Variants in ARHGEF4 observed in about 807,000 individuals in gnomAD.
ARHGEF4 encodes the protein Rho guanine nucleotide exchange factor 4.
ARHGEF4 carries 119 observed loss-of-function variants against 162.0 expected under a neutral mutation model. The ratio of observed to expected loss-of-function variants is 0.73; its 90% CI spans 0.63 to 0.86. The LOEUF is 0.86. ARHGEF4 is among the 40% of genes least tolerant of loss of function. The pLI is 0.00. For missense variants in ARHGEF4, 2,488 were observed against 2,456.0 expected, an observed-to-expected ratio of 1.01 and a Z score of -0.28; for synonymous variants, 1,014 against 979.9, an observed-to-expected ratio of 1.03 and a Z score of -0.65.
chr2:130,841,459 A>G (rs1680608608), intron 1 of ARHGEF4, among the ~76,000 whole-genome samples: 1 of 150,830 alleles, frequency 6.6e-6, no homozygotes, highest in South Asian at 2.1e-4. Flanking sequence ...CAGTCCTAGC[A>G]GTGCCATGGG....
Position 131,045,439 on chromosome 2 carries a change from G to T in ARHGEF4, c.5472G>T (p.Lys1824Asn), listed in dbSNP as rs1354639967. 6.2e-7 allele frequency: 1 copy of T among 1,613,640 alleles called. No individual in the cohort carries two copies. The highest frequency in any genetic ancestry group is 2.2e-5 in the East Asian group (1 of 44,886). ...CCAGCAAGCAGCAGGTCACAGGGAA[G>T]CCCAAAGGTAGGCGGACAGCAGCCC... is the stretch of plus-strand genomic sequence containing the variant. The part of the protein sequence containing the change: ...LNASKQQVTG[K>N]PKAVGRPCYL... Residue 1824 changes from lysine to asparagine, a missense_variant, in exon 13 of 14, where the codon AAG becomes AAT. Coordinates refer to ENST00000409359, the MANE Select transcript of ARHGEF4 (RefSeq NM_001367493.1).
chr2:130,922,942 T>TATATA lies in ARHGEF4; in HGVS notation c.3552+5444_3552+5445insATATA, dbSNP rs1327587983. Among the ~76,000 whole-genome samples, 11 of 80,232 alleles carry TATATA rather than the reference T, an allele frequency of 1.4e-4. No individual in the cohort carries two copies. In the East Asian group the frequency reaches 2.0e-3, roughly 15 times the overall value. The allele number at this position is 80,232 out of a possible 152,430, so 52.6% of individuals were successfully genotyped here. The stretch of plus-strand genomic sequence containing the variant: ...TTTAATGATATATATATATATATAT[T>TATATA]TTGTTTGAGATGGAGTCTTGCTCCG... On this transcript the variant is annotated intron_variant, in intron 2 of 13. Transcript: ENST00000409359.
intron 5 of ARHGEF4, among the ~76,000 whole-genome samples, chr2:131,036,725 A>G (rs1213833519): frequency 6.6e-6 from 1 of 152,138 alleles, no homozygotes; most frequent in Non-Finnish European, 1.5e-5. Context: ...TCAGGCAGGA[A>G]CCTCCTGAGA....
rs572368014 is a variant in ARHGEF4 at position 130,847,468 on chromosome 2, A to G, written c.39+10476A>G. The stretch of plus-strand genomic sequence containing the variant: ...TGTGCACATTTGGTGTGACTTAATC[A>G]TTCATCCCTCAGTCTTCATATCTGT... On this transcript the variant is annotated intron_variant, in intron 1 of 13. Transcript: ENST00000409359. Among the ~76,000 whole-genome samples the G allele has an allele frequency of 7.2e-5, 11 of 152,286 alleles. No individual in the cohort carries two copies. The South Asian group carries it at 2.3e-3, about 32-fold the overall frequency.
chr2:130,968,735 T>G (rs1270787422), intron 4 of ARHGEF4, among the ~76,000 whole-genome samples: 1 of 151,956 alleles, frequency 6.6e-6, no homozygotes, highest in African/African-American at 2.4e-5. Context: ...CCGGCCAAAA[T>G]AGTGAAACCC....
chr2:130,907,376 A>G (rs1680889485), intron 1 of ARHGEF4, among the ~76,000 whole-genome samples: 1 of 151,322 alleles, frequency 6.6e-6, no homozygotes, highest in Non-Finnish European at 1.5e-5. Flanking sequence ...CACCATGCTC[A>G]ACTAATATTT....
chr2:131,037,712 C>T (rs937536485), intron 5 of ARHGEF4, among the ~76,000 whole-genome samples: 1 of 152,334 alleles, frequency 6.6e-6, no homozygotes, highest in South Asian at 2.1e-4. Context: ...AGCCCCATGG[C>T]GTACAAGGGC....
At chr2:130,845,857 G>T (rs1227181430) in intron 1 of ARHGEF4, among the ~76,000 whole-genome samples, 1 of 152,192 alleles carries the variant, frequency 6.6e-6, no homozygotes, top group Non-Finnish European at 1.5e-5. Flanking sequence ...CCAGACCTAC[G>T]GTGTGATCCC....
intron 1 of ARHGEF4, among the ~76,000 whole-genome samples, chr2:130,879,984 CTT>C (rs781523539): frequency 1.3e-5 from 2 of 152,122 alleles, no homozygotes; most frequent in African/African-American, 2.4e-5. Flanking sequence ...CGTTTTCTCT[CTT>C]TGTTTGCCAC....
At chr2:130,838,664 G>C (rs943981403) in intron 1 of ARHGEF4, among the ~76,000 whole-genome samples, 1 of 151,804 alleles carries the variant, frequency 6.6e-6, no homozygotes, top group African/African-American at 2.4e-5. Flanking sequence ...GAAGGAGGGA[G>C]GGAAGGAAGG....
intron 1 of ARHGEF4, among the ~76,000 whole-genome samples, chr2:130,900,017 T>G (rs1413871646): frequency 6.6e-6 from 1 of 152,244 alleles, no homozygotes; most frequent in East Asian, 1.9e-4. Flanking sequence ...AATTTCCAAC[T>G]GTTAGAGCAT....
At chr2:131,036,860 G>A (rs1412736954) in intron 5 of ARHGEF4, among the ~76,000 whole-genome samples, 1 of 152,164 alleles carries the variant, frequency 6.6e-6, no homozygotes, top group East Asian at 1.9e-4. Context: ...TCCCCAGACC[G>A]CCATGTCTGC....
At chr2:131,032,884 ACT>A (rs1447234839) in intron 5 of ARHGEF4, among the ~76,000 whole-genome samples, 3 of 116,490 alleles carry the variant, frequency 2.6e-5, no homozygotes, top group African/African-American at 3.7e-5. Context: ...ACGGGGTCTC[ACT>A]CTGTCACCCA....
intron 5 of ARHGEF4, among the ~76,000 whole-genome samples, chr2:131,029,295 G>A (rs915747897): frequency 6.6e-6 from 1 of 152,070 alleles, no homozygotes; most frequent in Non-Finnish European, 1.5e-5. Context: ...GGAGGCAGAG[G>A]TTGCAGTGAG....
intron 4 of ARHGEF4, among the ~76,000 whole-genome samples, chr2:130,986,735 G>A (rs1004356356): frequency 6.6e-6 from 1 of 152,194 alleles, no homozygotes. Flanking sequence ...CTAGATGTGA[G>A]ACAACAGAAA....
chr2:130,847,337 A>G (rs1681055887), intron 1 of ARHGEF4, among the ~76,000 whole-genome samples: 1 of 152,232 alleles, frequency 6.6e-6, no homozygotes, highest in African/African-American at 2.4e-5. Context: ...CTCAATGCAG[A>G]GGAGGCCGGG....
chr2:130,913,269 G>T (rs1308305612), intron 1 of ARHGEF4, among the ~76,000 whole-genome samples: 1 of 152,286 alleles, frequency 6.6e-6, no homozygotes, highest in East Asian at 1.9e-4. Flanking sequence ...AAACAGTCTA[G>T]ATTTTTATCA....
intron 2 of ARHGEF4, among the ~76,000 whole-genome samples, chr2:130,918,915 G>C (rs1681699257): frequency 6.6e-6 from 1 of 152,286 alleles, no homozygotes; most frequent in Non-Finnish European, 1.5e-5. Flanking sequence ...GAAAGGAAAA[G>C]GCCTCTCCCC....
At chr2:130,911,281 C>T (rs1681167314) in intron 1 of ARHGEF4, among the ~76,000 whole-genome samples, 1 of 152,294 alleles carries the variant, frequency 6.6e-6, no homozygotes, top group South Asian at 2.1e-4. Context: ...AAAGCCTCAT[C>T]TAGTTATAGA....
Sources: gnomAD v4.1 joint callset for allele counts (sites outside exome capture counted in the v4.1 genomes callset) on GRCh38, gnomAD v4.1.1 for gene constraint, MANE v1.5 for transcripts, NCBI Gene and HGNC (gene_info 2026-07-23, HGNC 2026-07-21) for gene names.